Variants in TTLL5 observed in about 807,000 individuals in gnomAD.
The protein encoded by TTLL5 is tubulin polyglutamylase TTLL5.
TTLL5 carries 132 observed loss-of-function variants against 168.4 expected under a neutral mutation model. The ratio of observed to expected loss-of-function variants is 0.78; its 90% CI spans 0.68 to 0.91. The LOEUF is 0.91. Among genes scored for constraint, TTLL5 ranks in the 40% least tolerant of loss-of-function variants. TTLL5 has a pLI of 0.00. For missense variants in TTLL5, 1,545 were observed against 1,581.5 expected (o/e 0.98, Z 0.39); for synonymous variants, 546 against 558.6 (o/e 0.98, Z 0.32).
intron 28 of TTLL5, among the ~76,000 whole-genome samples, chr14:75,821,835 C>T (rs1212261849): frequency 6.6e-6 from 1 of 152,188 alleles, no homozygotes; most frequent in Non-Finnish European, 1.5e-5. Context: ...AGCCAAAAAG[C>T]AATCCCCACA....
chr14:75,867,723 C>G (rs2037930), intron 29 of TTLL5, among the ~76,000 whole-genome samples: 132,923 of 150,552 alleles, frequency 0.88, 58,782 homozygotes, highest in South Asian at 0.92. Context: ...TCATGCCCCT[C>G]CACTGCAGCC....
intron 27 of TTLL5, among the ~76,000 whole-genome samples, chr14:75,800,087 C>T (rs2078498053): frequency 6.6e-6 from 1 of 152,202 alleles, no homozygotes; most frequent in African/African-American, 2.4e-5. Context: ...TTCTCTTCTT[C>T]CTCGGGAACA....
chr14:75,903,487 G>A (rs905754527), intron 31 of TTLL5, among the ~76,000 whole-genome samples: 1 of 152,084 alleles, frequency 6.6e-6, no homozygotes, highest in African/African-American at 2.4e-5. Flanking sequence ...TATGAGCCAT[G>A]TAGGGAACTT....
At chr14:75,943,197 C>T (rs1001632399) in intron 31 of TTLL5, among the ~76,000 whole-genome samples, 2 of 152,032 alleles carry the variant, frequency 1.3e-5, no homozygotes, top group Admixed American at 6.6e-5. Context: ...CTTATGACCC[C>T]GTCACTGGAT....
At chr14:75,825,679 A>G (rs1895081990) in intron 28 of TTLL5, among the ~76,000 whole-genome samples, 1 of 152,142 alleles carries the variant, frequency 6.6e-6, no homozygotes, top group Non-Finnish European at 1.5e-5. Flanking sequence ...GGGGGACTAA[A>G]AAAAATTCAT....
intron 26 of TTLL5, among the ~76,000 whole-genome samples, chr14:75,785,427 C>G (rs1280084570): frequency 6.6e-6 from 1 of 152,154 alleles, no homozygotes; most frequent in Non-Finnish European, 1.5e-5. Context: ...ATCCACCCAC[C>G]TTGGCCTCCC....
chr14:75,812,169 A>G (rs1055919652), intron 27 of TTLL5, among the ~76,000 whole-genome samples: 3 of 152,184 alleles, frequency 2.0e-5, no homozygotes, highest in African/African-American at 7.2e-5. Flanking sequence ...GAGGCAGAGA[A>G]TGGGAGTGGA....
chr14:75,852,877 T>A (rs904051969), intron 28 of TTLL5, among the ~76,000 whole-genome samples: 1 of 152,246 alleles, frequency 6.6e-6, no homozygotes, highest in Non-Finnish European at 1.5e-5. Flanking sequence ...TTAACAGTTA[T>A]AGTTAATTTA....
At chr14:75,875,264 C>A (rs1456890427) in intron 29 of TTLL5, among the ~76,000 whole-genome samples, 3 of 148,784 alleles carry the variant, frequency 2.0e-5, no homozygotes, top group African/African-American at 7.4e-5. Context: ...CTATTGTGGG[C>A]TGGGCGTAGT....
chr14:75,794,394 G>A (rs891112683), intron 27 of TTLL5, among the ~76,000 whole-genome samples: 4 of 151,166 alleles, frequency 2.6e-5, no homozygotes, highest in African/African-American at 9.7e-5. Flanking sequence ...ATATGTTTCC[G>A]GTTTATAAAT....
At chr14:75,939,895 C>G (rs990943010) in intron 31 of TTLL5, among the ~76,000 whole-genome samples, 3 of 152,040 alleles carry the variant, frequency 2.0e-5, no homozygotes, top group Admixed American at 1.3e-4. Context: ...GAACTCAAAG[C>G]TATATAAAAA....
At chr14:75,851,981 A>G (rs1006469122) in intron 28 of TTLL5, among the ~76,000 whole-genome samples, 1 of 152,238 alleles carries the variant, frequency 6.6e-6, no homozygotes, top group Non-Finnish European at 1.5e-5. Flanking sequence ...AACATTTATT[A>G]TGCATGCCAT....
intron 3 of TTLL5, among the ~76,000 whole-genome samples, chr14:75,673,508 TGTGA>T (rs1883903390): frequency 1.3e-5 from 2 of 152,224 alleles, no homozygotes; most frequent in Admixed American, 6.5e-5. Context: ...ATTTCTTAGC[TGTGA>T]GTCTTGGGCA....
intron 29 of TTLL5, among the ~76,000 whole-genome samples, chr14:75,869,063 T>TGTGTGTGTGTGTGTGTGTGTGTGTGTG (rs58193518): frequency 6.7e-6 from 1 of 148,474 alleles, no homozygotes; most frequent in African/African-American, 2.5e-5. Context: ...TGTGTGTGTG[T>TGTGTGTGTGTGTGTGTGTGTGTGTGTG]TTAAGTTCCA....
chr14:75,905,926 C>G (rs2033128327), intron 31 of TTLL5, among the ~76,000 whole-genome samples: 1 of 152,150 alleles, frequency 6.6e-6, no homozygotes, highest in Non-Finnish European at 1.5e-5. Context: ...TGGAAGGGAC[C>G]TTACCACCTT....
chr14:75,811,918 C>T (rs762423639), intron 27 of TTLL5, among the ~76,000 whole-genome samples: 9 of 152,132 alleles, frequency 5.9e-5, no homozygotes, highest in Non-Finnish European at 1.2e-4. Context: ...AACACTTGGG[C>T]GGGCCAGCCA....
At chr14:75,804,020 C>G (rs1893497671) in intron 27 of TTLL5, among the ~76,000 whole-genome samples, 2 of 152,162 alleles carry the variant, frequency 1.3e-5, no homozygotes, top group Non-Finnish European at 2.9e-5. Flanking sequence ...GCAGACCACC[C>G]AGGCGGGGGC....
chr14:75,929,769 C>A lies in TTLL5; in HGVS notation c.3824-24655C>A, dbSNP rs143298559. 5.6e-3 allele frequency among the ~76,000 whole-genome samples: 851 copies of A among 152,254 alleles called. 14 individuals carry two copies. The highest frequency in any genetic ancestry group is 0.027 in the South Asian group (130 of 4,830). On this transcript the variant is annotated intron_variant, in intron 31 of 31. Coordinates refer to ENST00000298832, the MANE Select transcript of TTLL5 (RefSeq NM_015072.5). ...CGCCCGGCCAAAGATACCTATTTTT[C>A]ACTCAGCATTTCTTAAGTTTATCTG... is the stretch of plus-strand genomic sequence containing the variant.
chr14:75,705,527 G>A (rs1019870775), intron 7 of TTLL5, among the ~76,000 whole-genome samples: 1 of 152,140 alleles, frequency 6.6e-6, no homozygotes, highest in African/African-American at 2.4e-5. Flanking sequence ...CTGCTCTATT[G>A]CTTATTAGCT....
Sources: gnomAD v4.1 joint callset for allele counts (sites outside exome capture counted in the v4.1 genomes callset) on GRCh38, gnomAD v4.1.1 for gene constraint, MANE v1.5 for transcripts, NCBI Gene and HGNC (gene_info 2026-07-23, HGNC 2026-07-21) for gene names.